DOCK1: variants seen among roughly 807,000 people sequenced by gnomAD.
DOCK1 encodes dedicator of cytokinesis 1.
DOCK1 carries 138 observed loss-of-function variants against 262.7 expected under a neutral mutation model. The observed-to-expected ratio is 0.53, with a 90% CI of 0.46 to 0.61. DOCK1 has a LOEUF of 0.61. DOCK1 is among the 20% of genes least tolerant of loss of function. The pLI is 0.00. For missense variants in DOCK1, 1,908 were observed against 2,370.7 expected (o/e 0.80, Z 4.05); for synonymous variants, 866 against 867.4 (o/e 1.00, Z 0.03).
At chr10:127,390,005 G>A (rs2066378142) in intron 38 of DOCK1, among the ~76,000 whole-genome samples, 1 of 72,116 alleles carries the variant, frequency 1.4e-5, no homozygotes, top group African/African-American at 6.1e-5. Context: ...CAGGAACTCT[G>A]TCTCAAACAA....
rs751435075 is a variant in DOCK1 at position 127,447,525 on chromosome 10, C to T, written c.5545C>T (p.Pro1849Ser). 6.2e-7 allele frequency: 1 copy of T among 1,613,928 alleles called. No homozygotes were observed. The highest frequency in any genetic ancestry group is 1.1e-5 in the South Asian group (1 of 91,022). Residue 1849 changes from proline to serine, a missense_variant, in exon 51 of 52, where the codon CCT becomes TCT. Transcript: ENST00000623213. Reference sequence around the variant, plus strand: ...CTTGCTGGGCTCGCCAACACCTCCACCTCCCCCTCCACACCAGAGGGTAAG... The same window carrying T: ...CTTGCTGGGCTCGCCAACACCTCCATCTCCCCCTCCACACCAGAGGGTAAG... Reference protein sequence around the residue: ...QDLLGSPTPPPPPPHQRHLPP... With the variant: ...QDLLGSPTPPSPPPHQRHLPP...
intron 27 of DOCK1, among the ~76,000 whole-genome samples, chr10:127,200,280 A>G (rs1342203979): frequency 6.6e-6 from 1 of 152,196 alleles, no homozygotes; most frequent in Non-Finnish European, 1.5e-5. Context: ...GACATTCCCA[A>G]AAGTAAGAGG....
chr10:126,959,201 T>G (rs1320748421), intron 1 of DOCK1, among the ~76,000 whole-genome samples: 6 of 152,118 alleles, frequency 3.9e-5, no homozygotes, highest in African/African-American at 1.4e-4. Context: ...TTAGAGACAA[T>G]AGGTGACAAA....
chr10:127,090,476 C>G (rs1218268020), intron 23 of DOCK1, among the ~76,000 whole-genome samples: 1 of 150,462 alleles, frequency 6.6e-6, no homozygotes, highest in Non-Finnish European at 1.5e-5. Flanking sequence ...TTTTTTTTTC[C>G]TGTTAATAAT....
intron 19 of DOCK1, among the ~76,000 whole-genome samples, chr10:127,038,542 G>A (rs143938083): frequency 3.3e-5 from 5 of 152,226 alleles, no homozygotes; most frequent in African/African-American, 4.8e-5. Context: ...ATCAGCATTC[G>A]TACTAGACTC....
rs79032520 is a variant in DOCK1 at position 127,117,334 on chromosome 10, G to A, written c.2623+6980G>A. Among the ~76,000 whole-genome samples the A allele has an allele frequency of 9.0e-3, 1,365 of 152,284 alleles. 16 individuals carry two copies. The highest frequency in any genetic ancestry group is 0.012 in the Non-Finnish European group (828 of 68,022). The stretch of plus-strand genomic sequence containing the variant: ...GCCTGGCAGGGAGCTGTCCACCGCC[G>A]TGGTGCTGATTGAGGAGGTGGCTTC... On this transcript the variant is annotated intron_variant, in intron 25 of 51. Coordinates refer to ENST00000623213, the MANE Select transcript of DOCK1 (RefSeq NM_001290223.2).
chr10:126,962,740 T>C (rs36158017), intron 1 of DOCK1, among the ~76,000 whole-genome samples: 83,191 of 152,096 alleles, frequency 0.55, 23,933 homozygotes, highest in African/African-American at 0.71. Flanking sequence ...TGACGAAGTC[T>C]AACTTAGCTA....
intron 27 of DOCK1, 106 bp from the exon 28 acceptor site, chr10:127,247,902 G>C: frequency 9.2e-7 from 1 of 1,086,878 alleles, no homozygotes; most frequent in Non-Finnish European, 1.4e-6. Flanking sequence ...CCCATGCCCC[G>C]TTGCTTCTCC....
chr10:127,052,925 CT>C (rs2135741174), intron 22 of DOCK1, 110 bp downstream of exon 22: 23 of 1,464,202 alleles, frequency 1.6e-5, no homozygotes, highest in Admixed American at 2.3e-5. Context: ...CTTCTTCCCC[CT>C]TTTTCCCCCT....
At chr10:127,251,106 G>A (rs552412569) in intron 28 of DOCK1, among the ~76,000 whole-genome samples, 1 of 151,880 alleles carries the variant, frequency 6.6e-6, no homozygotes, top group East Asian at 2.0e-4. Flanking sequence ...GGGATTACAG[G>A]CATGCACCAC....
At chr10:127,247,945 T>G (rs2059486573) in intron 27 of DOCK1, 63 bp from the exon 28 acceptor site, 3 of 1,514,844 alleles carry the variant, frequency 2.0e-6, no homozygotes, top group Non-Finnish European at 2.7e-6. Flanking sequence ...TCTGGGATGA[T>G]TTCGGCTTTT....
At chr10:127,388,195 C>T (rs2066248857) in intron 38 of DOCK1, among the ~76,000 whole-genome samples, 1 of 152,166 alleles carries the variant, frequency 6.6e-6, no homozygotes, top group African/African-American at 2.4e-5. Context: ...CCTCAGATGT[C>T]CCTGTGTTTT....
At chr10:127,025,669 C>T (rs1461871687) in intron 15 of DOCK1, among the ~76,000 whole-genome samples, 1 of 152,014 alleles carries the variant, frequency 6.6e-6, no homozygotes, top group East Asian at 2.0e-4. Context: ...AGGCTGGTCT[C>T]GAACTCCTGA....
chr10:127,410,139 C>T (rs2067757134), intron 42 of DOCK1, among the ~76,000 whole-genome samples: 1 of 152,202 alleles, frequency 6.6e-6, no homozygotes. Context: ...TTTAACCTTT[C>T]ATCGTTTCTT....
intron 29 of DOCK1, among the ~76,000 whole-genome samples, chr10:127,271,753 C>T: frequency 6.6e-6 from 1 of 152,004 alleles, no homozygotes; most frequent in Non-Finnish European, 1.5e-5. Flanking sequence ...AAGGTGTATC[C>T]CTAGGAAATG....
chr10:127,259,457 C>T (rs1267207517), intron 29 of DOCK1, among the ~76,000 whole-genome samples: 1 of 152,222 alleles, frequency 6.6e-6, no homozygotes, highest in Non-Finnish European at 1.5e-5. Flanking sequence ...CAACAATAAT[C>T]AAAAACCCCG....
intron 1 of DOCK1, among the ~76,000 whole-genome samples, chr10:126,969,998 T>G (rs942754393): frequency 1.3e-5 from 2 of 152,120 alleles, no homozygotes; most frequent in African/African-American, 4.8e-5. Flanking sequence ...TAATATATAT[T>G]TTTTTAAATT....
intron 38 of DOCK1, among the ~76,000 whole-genome samples, chr10:127,398,494 T>G (rs2067046250): frequency 6.6e-6 from 1 of 152,234 alleles, no homozygotes; most frequent in Admixed American, 6.5e-5. Context: ...CCCTGGCTCC[T>G]GTGCTGCTGA....
chr10:127,336,638 C>T (rs946168242), intron 29 of DOCK1, among the ~76,000 whole-genome samples: 3 of 151,564 alleles, frequency 2.0e-5, no homozygotes, highest in African/African-American at 4.9e-5. Flanking sequence ...CTCCCAGGTT[C>T]GCACCATTCT....
Sources: gnomAD v4.1 joint callset for allele counts (sites outside exome capture counted in the v4.1 genomes callset) on GRCh38, gnomAD v4.1.1 for gene constraint, MANE v1.5 for transcripts, NCBI Gene and HGNC (gene_info 2026-07-23, HGNC 2026-07-21) for gene names.